Variants in KIAA1217 observed in about 807,000 individuals in gnomAD.
KIAA1217 encodes sickle tail protein homolog.
A neutral mutation model predicts 163.9 loss-of-function variants in KIAA1217; 88 were observed. The observed-to-expected ratio is 0.54, with a 90% CI of 0.45 to 0.64. KIAA1217 has a LOEUF of 0.64. Among genes scored for constraint, KIAA1217 ranks in the 30% least tolerant of loss-of-function variants. KIAA1217 has a pLI of 0.00. For missense variants in KIAA1217, 2,372 were observed against 2,475.0 expected, an observed-to-expected ratio of 0.96 and a Z score of 0.88; for synonymous variants, 903 against 923.1, an observed-to-expected ratio of 0.98 and a Z score of 0.39.
chr10:24,395,784 C>T (rs1280295074), intron 3 of KIAA1217, among the ~76,000 whole-genome samples: 1 of 152,150 alleles, frequency 6.6e-6, no homozygotes, highest in Admixed American at 6.5e-5. Flanking sequence ...AAGCCTCCCA[C>T]CTCAGCCTCT....
intron 2 of KIAA1217, among the ~76,000 whole-genome samples, chr10:24,100,343 G>T (rs2062363146): frequency 6.6e-6 from 1 of 152,126 alleles, no homozygotes; most frequent in African/African-American, 2.4e-5. Context: ...CTGCCAGAGA[G>T]GACACTCTGT....
chr10:23,872,802 A>AAATT (rs1280930327), intron 1 of KIAA1217, among the ~76,000 whole-genome samples: 3 of 151,990 alleles, frequency 2.0e-5, no homozygotes, highest in Non-Finnish European at 4.4e-5. Context: ...ATTTATATAC[A>AAATT]CTTAATTTTT....
At chr10:24,214,835 G>C (rs1158039009) in intron 1 of KIAA1217, among the ~76,000 whole-genome samples, 3 of 152,202 alleles carry the variant, frequency 2.0e-5, no homozygotes, top group African/African-American at 7.2e-5. Context: ...CCAGGAATAG[G>C]ATCTCAGGGA....
rs1835570231 is a variant in KIAA1217 at position 23,787,965 on chromosome 10, TG to T, written c.-321+92734del. ...ATCCCAGGATTTTGAGATGTTCAAG[TG>T]GGAGGATCAGTTGAGGCCAGGAGTT... is the stretch of plus-strand genomic sequence containing the variant. On this transcript the variant is annotated intron_variant, in intron 1 of 18. Coordinates refer to the KIAA1217 transcript ENST00000376462. 2.0e-5 allele frequency among the ~76,000 whole-genome samples: 3 copies of T among 151,956 alleles called. No homozygotes were observed. In the South Asian group the frequency reaches 6.3e-4, roughly 32 times the overall value.
intron 2 of KIAA1217, among the ~76,000 whole-genome samples, chr10:24,308,668 C>A (rs1406168673): frequency 6.6e-6 from 1 of 152,246 alleles, no homozygotes; most frequent in Non-Finnish European, 1.5e-5. Flanking sequence ...ACAAACTCTT[C>A]TTTAATCTCC....
chr10:24,130,040 T>A (rs1403809849), intron 2 of KIAA1217, among the ~76,000 whole-genome samples: 2 of 152,162 alleles, frequency 1.3e-5, no homozygotes, highest in Admixed American at 1.3e-4. Context: ...CTTCAGAAAC[T>A]TGTTCACCAT....
At chr10:24,061,285 T>A (rs896579760) in intron 2 of KIAA1217, among the ~76,000 whole-genome samples, 1 of 144,756 alleles carries the variant, frequency 6.9e-6, no homozygotes, top group African/African-American at 2.9e-5. Flanking sequence ...CACTTTTACT[T>A]CTTCTCCCCT....
At chr10:24,398,357 G>A (rs1354690164) in intron 3 of KIAA1217, among the ~76,000 whole-genome samples, 7 of 152,112 alleles carry the variant, frequency 4.6e-5, no homozygotes, top group Admixed American at 2.6e-4. Context: ...TGCTGTCTGA[G>A]GGGTAGCAGA....
intron 1 of KIAA1217, among the ~76,000 whole-genome samples, chr10:23,744,684 G>A (rs768367656): frequency 4.9e-4 from 74 of 152,182 alleles, no homozygotes; most frequent in Non-Finnish European, 2.5e-4. Flanking sequence ...CATTTACCCC[G>A]TGTTAGGGTT....
chr10:24,543,615 G>A lies in KIAA1217; in HGVS notation c.4345G>A (p.Glu1449Lys), dbSNP rs780142132. 7 of 1,614,140 alleles carry A rather than the reference G, an allele frequency of 4.3e-6. No individual in the cohort carries two copies. Among genetic ancestry groups the A allele is most frequent in the Non-Finnish European group, 5.1e-6 (6 of 1,180,038 alleles). The part of the protein sequence containing the change: ...DKKPVIIIFD[E>K]PMDIRSAYKR... ...GAAACCAGTGATCATCATTTTCGAT[G>A]AGCCCATGGACATCCGGTCTGCCTA... Residue 1449 changes from glutamate to lysine, a missense_variant, in exon 19 of 21, where the codon GAG becomes AAG. This residue lies in a region of KIAA1217 where 690 missense variants were observed against 677.5 expected (regional missense o/e 1.02). Coordinates refer to ENST00000376454, the MANE Select transcript of KIAA1217 (RefSeq NM_019590.5).
intron 3 of KIAA1217, among the ~76,000 whole-genome samples, chr10:24,431,972 G>A (rs1218851109): frequency 6.6e-6 from 1 of 152,024 alleles, no homozygotes; most frequent in Non-Finnish European, 1.5e-5. Context: ...CACTGAAAAT[G>A]TTTCTGAATG....
Position 23,790,557 on chromosome 10 carries a change from G to GTATATGTACATATA in KIAA1217, c.-321+95325_-321+95326insTATGTACATATATA, listed in dbSNP as rs1564424234. Among the ~76,000 whole-genome samples, 26 of 69,482 alleles carry GTATATGTACATATA rather than the reference G, an allele frequency of 3.7e-4. 4 individuals carry two copies. The highest frequency in any genetic ancestry group is 2.3e-3 in the African/African-American group (20 of 8,762). The allele number at this position is 69,482 out of a possible 152,430, so 45.6% of individuals were successfully genotyped here. On this transcript the variant is annotated intron_variant, in intron 1 of 18. Coordinates refer to the KIAA1217 transcript ENST00000376462. The stretch of plus-strand genomic sequence containing the variant: ...CATATACATGTGCATATATACATAT[G>GTATATGTACATATA]TACATATGTATATATACATATGTAT...
chr10:24,315,929 T>TGGGGG (rs11350159), intron 2 of KIAA1217, among the ~76,000 whole-genome samples: 1 of 141,822 alleles, frequency 7.1e-6, no homozygotes, highest in African/African-American at 2.6e-5. Context: ...TTTTATCTAA[T>TGGGGG]GGGGGGGGGG....
At chr10:24,104,819 CT>C (rs1363270933) in intron 2 of KIAA1217, among the ~76,000 whole-genome samples, 3 of 152,146 alleles carry the variant, frequency 2.0e-5, no homozygotes, top group African/African-American at 7.2e-5. Context: ...TAAAACTACT[CT>C]AAAAAGTAAA....
At chr10:23,921,743 A>T (rs1021566014) in intron 1 of KIAA1217, among the ~76,000 whole-genome samples, 1 of 152,174 alleles carries the variant, frequency 6.6e-6, no homozygotes, top group Non-Finnish European at 1.5e-5. Flanking sequence ...TTGTCTTTTC[A>T]GAACAGAAGC....
intron 1 of KIAA1217, among the ~76,000 whole-genome samples, chr10:23,901,441 A>C (rs1450289675): frequency 6.6e-6 from 1 of 152,168 alleles, no homozygotes; most frequent in Non-Finnish European, 1.5e-5. Flanking sequence ...GATACAAAGC[A>C]AGAAAAAATG....
At chr10:24,390,509 G>A (rs1488833060) in intron 3 of KIAA1217, among the ~76,000 whole-genome samples, 1 of 145,676 alleles carries the variant, frequency 6.9e-6, no homozygotes, top group Non-Finnish European at 1.5e-5. Context: ...AGGAAGGAAG[G>A]AAGGAAGGAA....
intron 2 of KIAA1217, among the ~76,000 whole-genome samples, chr10:24,268,123 A>G (rs2076411830): frequency 6.6e-6 from 1 of 152,198 alleles, no homozygotes; most frequent in Non-Finnish European, 1.5e-5. Context: ...CTGTCTGTGA[A>G]TGGCAAAGGA....
intron 5 of KIAA1217, among the ~76,000 whole-genome samples, chr10:24,445,880 C>T (rs2060890791): frequency 6.6e-6 from 1 of 152,084 alleles, no homozygotes; most frequent in African/African-American, 2.4e-5. Flanking sequence ...ATTTATAATC[C>T]TTTGGGTATA....
Sources: allele counts gnomAD v4.1 joint callset (sites outside exome capture counted in the v4.1 genomes callset), GRCh38; gene constraint gnomAD v4.1.1; regional missense constraint gnomAD v4.1.1; transcripts MANE v1.5; gene names NCBI Gene and HGNC (gene_info 2026-07-23, HGNC 2026-07-21).